The following MARK4 variants were observed in gnomAD, a reference collection of about 807,000 sequenced individuals.
MARK4 encodes the protein microtubule affinity regulating kinase 4, also known as MAP/microtubule affinity-regulating kinase 4.
A neutral mutation model predicts 81.5 loss-of-function variants in MARK4; 19 were observed. That is an observed-to-expected ratio of 0.23 (90% CI 0.16 to 0.34). The LOEUF is 0.34. MARK4 is among the 10% of genes least tolerant of loss of function. The pLI is 1.00. For missense variants in MARK4, 772 were observed against 1,058.8 expected, an observed-to-expected ratio of 0.73 and a Z score of 3.76; for synonymous variants, 436 against 439.0, an observed-to-expected ratio of 0.99 and a Z score of 0.08.
At chr19:45,270,985 G>A (rs1970519600) in intron 7 of MARK4, among the ~76,000 whole-genome samples, 1 of 152,204 alleles carries the variant, frequency 6.6e-6, no homozygotes. Context: ...GGTCAGGCTG[G>A]TCTTGAACTC....
In MARK4 at chr19:45,251,539, A is replaced by ACGC; in HGVS notation, c.-49_-48insGCC. The ACGC allele has an allele frequency of 3.8e-6, 1 of 263,200 alleles. No individual in the cohort carries two copies. Among genetic ancestry groups the ACGC allele is most frequent in the Non-Finnish European group, 7.3e-6 (1 of 137,132 alleles). The allele number at this position is 263,200 out of a possible 1,614,324, so 16.3% of individuals were successfully genotyped here. On this transcript the variant is annotated 5_prime_UTR_variant, in exon 1 of 17. Transcript: ENST00000262891. The stretch of plus-strand genomic sequence containing the variant: ...GGAGGGGAAGAGAGGGGACCCTGGG[A>ACGC]CCCCCGCCCCCCCCACCCGGCCGCC...
At chr19:45,261,317 A>G (rs963527802) in intron 2 of MARK4, among the ~76,000 whole-genome samples, 6 of 152,166 alleles carry the variant, frequency 3.9e-5, no homozygotes, top group Non-Finnish European at 7.3e-5. Flanking sequence ...AAATATTAAC[A>G]AACAGAACCT....
At position 45,263,099 on chromosome 19, in the gene MARK4, T is replaced by C. The variant is rs1263042980; in HGVS notation, c.253-14T>C. 6.3e-7 allele frequency: 1 copy of C among 1,599,388 alleles called. No homozygotes were observed. The highest frequency in any genetic ancestry group is 8.5e-7 in the Non-Finnish European group (1 of 1,172,420). On this transcript the variant is annotated splice_polypyrimidine_tract_variant and intron_variant, in intron 2 of 16. Transcript: ENST00000262891. ...GGCACCTTGACCGTCCCTCCTCCTT[T>C]CCTCCCCCTCTAGGTTGCCATCAAG...
chr19:45,264,740 G>A lies in MARK4; in HGVS notation c.412G>A (p.Ala138Thr), dbSNP rs1482425171. ...EKTLYLVMEY[A>T]SAGEVFDYLV... The stretch of plus-strand genomic sequence containing the variant: ...GACGCTGTACCTGGTGATGGAGTAC[G>A]CAAGTGCTGGTGAGCCGCCCACCCT... Residue 138 changes from alanine to threonine, a missense_variant, in exon 5 of 17, where the codon GCA (alanine) becomes ACA (threonine). Ala to Thr is a moderately conservative substitution (Grantham distance 58). Coordinates refer to ENST00000262891, the MANE Select transcript of MARK4 (RefSeq NM_001199867.2). The A allele has an allele frequency of 3.1e-6, 5 of 1,613,944 alleles. No individual in the cohort carries two copies. Among genetic ancestry groups the A allele is most frequent in the Non-Finnish European group, 3.4e-6 (4 of 1,180,040 alleles).
intron 7 of MARK4, among the ~76,000 whole-genome samples, chr19:45,267,294 G>C (rs534316761): frequency 1.3e-5 from 2 of 152,116 alleles, no homozygotes; most frequent in Admixed American, 1.3e-4. Context: ...CATGACCTCA[G>C]GTGATCCACC....
rs1020741374 is a variant in MARK4 at position 45,271,107 on chromosome 19, T to C, written c.550-365T>C. ...TTTTAGTAGAGATGGGGATTCACCA[T>C]GTTGGCCAGGCCGATCTTGAACTCC... On this transcript the variant is annotated intron_variant, in intron 7 of 16. Coordinates refer to ENST00000262891, the MANE Select transcript of MARK4 (RefSeq NM_001199867.2). This position sits in a 1 kb window ranked among gnomAD's most constrained non-coding sequence, Gnocchi z 4.1. Among the ~76,000 whole-genome samples the C allele has an allele frequency of 3.1e-4, 47 of 152,294 alleles. No individual in the cohort carries two copies. Among genetic ancestry groups the C allele is most frequent in the African/African-American group, 1.0e-3 (43 of 41,572 alleles).
chr19:45,286,512 C>A (rs926345285), intron 12 of MARK4, among the ~76,000 whole-genome samples: 1 of 151,338 alleles, frequency 6.6e-6, no homozygotes, highest in African/African-American at 2.4e-5. Flanking sequence ...GAGTTTGAGA[C>A]CAGCCTAGAC....
chr19:45,288,580 A>C (rs344812), intron 13 of MARK4: 47,398 of 145,742 alleles, frequency 0.33, 7,797 homozygotes, highest in South Asian at 0.4. Context: ...GCCAGGTGCA[A>C]TGGCTCATGC....
chr19:45,274,875 A>C (rs538108485), intron 8 of MARK4, among the ~76,000 whole-genome samples: 5 of 152,218 alleles, frequency 3.3e-5, no homozygotes, highest in Non-Finnish European at 7.3e-5. Context: ...AGCTGAGAAG[A>C]GGCAGGTTCT....
intron 2 of MARK4, among the ~76,000 whole-genome samples, chr19:45,262,527 G>T (rs575792335): frequency 4.1e-4 from 63 of 152,342 alleles, no homozygotes; most frequent in Non-Finnish European, 6.6e-4. Flanking sequence ...AAACAAAGAT[G>T]TGATGGGCCA....
chr19:45,288,846 T>G (rs1970783383), intron 13 of MARK4, among the ~76,000 whole-genome samples: 1 of 66,888 alleles, frequency 1.5e-5, no homozygotes, highest in Non-Finnish European at 3.2e-5. Flanking sequence ...CAAGACTCTG[T>G]CTCAAAAAAA....
Position 45,302,947 on chromosome 19 carries a change from C to A in MARK4, c.*237C>A. 2 of 625,564 alleles carry A rather than the reference C, an allele frequency of 3.2e-6. No individual in the cohort carries two copies. The highest frequency in any genetic ancestry group is 5.4e-6 in the Non-Finnish European group (2 of 372,620). The allele number at this position is 625,564 out of a possible 1,614,324, so 38.8% of individuals were successfully genotyped here. ...TCCTGGAGCCTCCAGCCAGTCCTGT[C>A]CTCCCTCGCCCTACCAAGAGGGCAC... On this transcript the variant is annotated 3_prime_UTR_variant, in exon 17 of 17. Coordinates refer to ENST00000262891, the MANE Select transcript of MARK4 (RefSeq NM_001199867.2). The surrounding 1 kb of genome is among the most constrained non-coding windows in gnomAD (Gnocchi z 4.9).
chr19:45,264,604 G>A (rs527804098), intron 4 of MARK4, 80 bp from the exon 5 acceptor site: 3 of 1,363,310 alleles, frequency 2.2e-6, no homozygotes, highest in African/African-American at 1.4e-5. Context: ...GTTATGGTTG[G>A]CACATTTGCA....
At chr19:45,283,899 C>T (rs1440264282) in intron 12 of MARK4, among the ~76,000 whole-genome samples, 1 of 152,150 alleles carries the variant, frequency 6.6e-6, no homozygotes, top group African/African-American at 2.4e-5. Context: ...TGCTTGTCTG[C>T]AGGGGTGAAG....
intron 8 of MARK4, among the ~76,000 whole-genome samples, chr19:45,277,719 G>A (rs1480315538): frequency 6.6e-6 from 1 of 151,792 alleles, no homozygotes; most frequent in African/African-American, 2.4e-5. Context: ...CCATTTTATG[G>A]ACAGGGAACT....
rs187591553 is a variant in MARK4, at chr19:45,271,400, G to A, written c.550-72G>A. ...GGCCAGCCCTAGAGCCTGTGCTCCTGTCTGCCTCCCACGTCCATGAAAGGC... is the reference window on the plus strand; with the variant it reads ...GGCCAGCCCTAGAGCCTGTGCTCCTATCTGCCTCCCACGTCCATGAAAGGC... On this transcript the variant is annotated intron_variant, in intron 7 of 16. Transcript: ENST00000262891. The surrounding 1 kb of genome is among the most constrained non-coding windows in gnomAD (Gnocchi z 4.1). 3.7e-5 allele frequency: 55 copies of A among 1,473,988 alleles called. No homozygotes were observed. The African/African-American group carries it at 6.9e-4, about 18-fold the overall frequency. The allele number at this position is 1,473,988 out of a possible 1,614,324, so 91.3% of individuals were successfully genotyped here. A position where few individuals can be genotyped will look rare whatever the true frequency, so the allele number is the denominator to read the frequency against.
At position 45,269,333 on chromosome 19, in the gene MARK4, C is replaced by G. The variant is rs567796185; in HGVS notation, c.550-2139C>G. Among the ~76,000 whole-genome samples, 94 of 152,088 alleles carry G rather than the reference C, an allele frequency of 6.2e-4. 1 individual carries two copies. Among genetic ancestry groups the G allele is most frequent in the Non-Finnish European group, 1.3e-3 (86 of 68,008 alleles). ...GGAAGAGGTTACAGTGAGCCGAGAT[C>G]GTGCCACTGCACTCCAACCTGGGTG... On this transcript the variant is annotated intron_variant, in intron 7 of 16. Coordinates refer to ENST00000262891, the MANE Select transcript of MARK4 (RefSeq NM_001199867.2).
At chr19:45,296,541 C>T (rs542830408) in intron 14 of MARK4, among the ~76,000 whole-genome samples, 20 of 152,276 alleles carry the variant, frequency 1.3e-4, no homozygotes, top group Admixed American at 5.2e-4. Flanking sequence ...TCCCATTGGC[C>T]GGAGCATGGT....
chr19:45,254,694 C>T (rs1970285649), intron 1 of MARK4, among the ~76,000 whole-genome samples: 1 of 152,204 alleles, frequency 6.6e-6, no homozygotes, highest in Admixed American at 6.5e-5. Flanking sequence ...GTGGTTAGAG[C>T]CCTGGCCGTG....
Sources: gnomAD v4.1 joint callset for allele counts (sites outside exome capture counted in the v4.1 genomes callset) on GRCh38, gnomAD v4.1.1 for gene constraint, Gnocchi (gnomAD v3.1) non-coding constraint, MANE v1.5 for transcripts, NCBI Gene and HGNC (gene_info 2026-07-23, HGNC 2026-07-21) for gene names.